COP1: variants seen among roughly 807,000 people sequenced by gnomAD.
The protein encoded by COP1 is COP1 E3 ubiquitin ligase.
COP1 carries 24 observed loss-of-function variants against 101.3 expected under a neutral mutation model. The ratio of observed to expected loss-of-function variants is 0.24; its 90% CI spans 0.17 to 0.33. The LOEUF (loss-of-function observed/expected upper bound fraction) is 0.33. COP1 is among the 10% of genes least tolerant of loss of function. The pLI is 1.00. For missense variants in COP1, 663 were observed against 906.2 expected, an observed-to-expected ratio of 0.73 and a Z score of 3.45; for synonymous variants, 347 against 341.9, an observed-to-expected ratio of 1.01 and a Z score of -0.17.
intron 18 of COP1, among the ~76,000 whole-genome samples, chr1:175,959,832 T>C (rs957111951): frequency 1.3e-5 from 2 of 152,156 alleles, no homozygotes; most frequent in African/African-American, 4.8e-5. Context: ...TAAATTACCA[T>C]CATTAATGTA....
chr1:175,955,977 G>C (rs1345379197), intron 18 of COP1, among the ~76,000 whole-genome samples: 1 of 151,920 alleles, frequency 6.6e-6, no homozygotes, highest in Non-Finnish European at 1.5e-5. Flanking sequence ...AACTTTTCTA[G>C]TAGAAACTGG....
intron 15 of COP1, among the ~76,000 whole-genome samples, chr1:176,003,330 G>C (rs902521374): frequency 9.2e-4 from 140 of 152,216 alleles, no homozygotes; most frequent in African/African-American, 3.2e-3. Flanking sequence ...AGTTTCTTTC[G>C]CTGTGCAGAA....
chr1:176,081,163 A>C lies in COP1; in HGVS notation c.1266T>G (p.Ser422Arg), dbSNP rs751284800. ...TGACCAATACTTACCTAGAGACTAT[A>C]CTGGAACCATTATAGAGATCACTAG... ...SYASDLYNGS[S>R]IVSSIEFDRD... Residue 422 changes from serine (S) to arginine (R), a missense_variant, in exon 11 of 20, where the codon AGT (serine) becomes AGG (arginine). Ser to Arg is a moderately radical substitution (Grantham distance 110). Coordinates refer to ENST00000367669, the MANE Select transcript of COP1 (RefSeq NM_022457.7). The C allele has an allele frequency of 1.2e-6, 2 of 1,606,120 alleles. No homozygotes were observed. Among genetic ancestry groups the C allele is most frequent in the Non-Finnish European group, 1.7e-6 (2 of 1,175,194 alleles).
intron 19 of COP1, 126 bp downstream of exon 19, chr1:175,947,069 G>A (rs1327576954): frequency 2.8e-6 from 2 of 702,856 alleles, no homozygotes; most frequent in Non-Finnish European, 5.1e-6. Flanking sequence ...CAAGCCATTT[G>A]TAAGGAGACA....
intron 18 of COP1, among the ~76,000 whole-genome samples, chr1:175,975,647 G>A (rs1654357004): frequency 6.6e-6 from 1 of 152,070 alleles, no homozygotes; most frequent in Non-Finnish European, 1.5e-5. Flanking sequence ...AGCCTCAAGT[G>A]ATCCACCCAC....
chr1:176,184,638 G>A lies in COP1; in HGVS notation c.462C>T (p.Ser154=). ...EEAYMTKCGH[S]FCYKCIHQSL... is the part of the protein sequence containing the mutation. ...ACTCAATAGAATTGTCTTACCAAAAGCTGTGGCCACATTTTGTCATGTATG... is the reference window on the plus strand; with the variant it reads ...ACTCAATAGAATTGTCTTACCAAAAACTGTGGCCACATTTTGTCATGTATG... Residue 154 remains serine, a synonymous_variant, in exon 2 of 20, where the codon AGC becomes AGT. Transcript: ENST00000367669. 6.2e-7 allele frequency: 1 copy of A among 1,601,934 alleles called. No homozygotes were observed. The highest frequency in any genetic ancestry group is 8.5e-7 in the Non-Finnish European group (1 of 1,172,194).
At chr1:176,147,265 T>G (rs1485256219) in intron 6 of COP1, among the ~76,000 whole-genome samples, 1 of 152,200 alleles carries the variant, frequency 6.6e-6, no homozygotes, top group Non-Finnish European at 1.5e-5. Flanking sequence ...TCAATCTGTC[T>G]GCACTAAAAC....
intron 11 of COP1, among the ~76,000 whole-genome samples, chr1:176,065,935 C>A (rs1475759687): frequency 6.6e-6 from 1 of 151,966 alleles, no homozygotes; most frequent in Non-Finnish European, 1.5e-5. Flanking sequence ...CTCAAAACTC[C>A]TGACCTGGTG....
chr1:175,959,196 T>A (rs1344933295), intron 18 of COP1, among the ~76,000 whole-genome samples: 2 of 151,912 alleles, frequency 1.3e-5, no homozygotes, highest in Non-Finnish European at 2.9e-5. Context: ...AGATCAATAT[T>A]TGAAAGAAAA....
chr1:176,064,947 T>C (rs1290017473), intron 11 of COP1, among the ~76,000 whole-genome samples: 1 of 152,196 alleles, frequency 6.6e-6, no homozygotes, highest in African/African-American at 2.4e-5. Context: ...AAGCTTGTAG[T>C]AGCTACCACT....
chr1:176,063,046 T>TG (rs1675193551), intron 11 of COP1, among the ~76,000 whole-genome samples: 1 of 102,578 alleles, frequency 9.7e-6, no homozygotes, highest in South Asian at 3.8e-4. Context: ...TTTTTGAAAA[T>TG]GTTTTTTTTT....
chr1:176,182,016 A>T (rs1048260849), intron 2 of COP1, among the ~76,000 whole-genome samples: 3 of 152,202 alleles, frequency 2.0e-5, no homozygotes, highest in Admixed American at 1.3e-4. Context: ...CAACATGAAG[A>T]TTATAAATTT....
intron 15 of COP1, among the ~76,000 whole-genome samples, chr1:176,007,122 C>T (rs1038935326): frequency 1.3e-5 from 2 of 152,182 alleles, no homozygotes; most frequent in Non-Finnish European, 2.9e-5. Flanking sequence ...ACCCTTTCTT[C>T]CAGTTGATCG....
At chr1:176,006,086 C>T (rs550959028) in intron 15 of COP1, among the ~76,000 whole-genome samples, 3 of 152,190 alleles carry the variant, frequency 2.0e-5, no homozygotes, top group African/African-American at 4.8e-5. Flanking sequence ...TGAATTGATC[C>T]CTTTACCATT....
chr1:176,179,536 C>CCAGCT (rs781491514), intron 2 of COP1, among the ~76,000 whole-genome samples: 34 of 151,870 alleles, frequency 2.2e-4, no homozygotes, highest in Non-Finnish European at 4.0e-4. Flanking sequence ...GGAGTTTCAA[C>CCAGCT]CAGCTCAGGC....
At chr1:176,131,449 C>A (rs1688878866) in intron 8 of COP1, among the ~76,000 whole-genome samples, 1 of 151,772 alleles carries the variant, frequency 6.6e-6, no homozygotes, top group Non-Finnish European at 1.5e-5. Flanking sequence ...AATACATAAT[C>A]TAAACATAAA....
intron 6 of COP1, among the ~76,000 whole-genome samples, chr1:176,148,761 T>C (rs1027168373): frequency 3.3e-5 from 5 of 152,106 alleles, no homozygotes; most frequent in African/African-American, 1.2e-4. Context: ...CTTTATAGTT[T>C]TTAGGTAAGT....
intron 11 of COP1, among the ~76,000 whole-genome samples, chr1:176,066,049 G>A (rs1232284084): frequency 6.6e-6 from 1 of 152,054 alleles, no homozygotes; most frequent in Non-Finnish European, 1.5e-5. Flanking sequence ...TTTATCACAA[G>A]ATGAGATGGC....
chr1:175,994,870 G>C (rs1200697350), intron 15 of COP1, among the ~76,000 whole-genome samples: 1 of 152,122 alleles, frequency 6.6e-6, no homozygotes, highest in Non-Finnish European at 1.5e-5. Context: ...TCCAGGAATT[G>C]AACTCAGCTC....
Sources: gnomAD v4.1 joint callset for allele counts (sites outside exome capture counted in the v4.1 genomes callset) on GRCh38, gnomAD v4.1.1 for gene constraint, MANE v1.5 for transcripts, NCBI Gene and HGNC (gene_info 2026-07-23, HGNC 2026-07-21) for gene names.